DNAH5: variants seen among roughly 807,000 people sequenced by gnomAD.
DNAH5 encodes the protein axonemal beta dynein heavy chain 5.
DNAH5 carries 372 observed loss-of-function variants against 518.2 expected under a neutral mutation model. The ratio of observed to expected loss-of-function variants is 0.72; its 90% CI spans 0.66 to 0.78. The LOEUF is 0.78. Ranked by LOEUF, DNAH5 falls within the 30% of genes least tolerant of loss-of-function variation. The pLI is 0.00. For missense variants in DNAH5, 5,523 were observed against 5,687.0 expected, an observed-to-expected ratio of 0.97 and a Z score of 0.93; for synonymous variants, 2,039 against 2,025.9, an observed-to-expected ratio of 1.01 and a Z score of -0.17.
intron 16 of DNAH5, 57 bp downstream of exon 16, chr5:13,894,592 AG>A: frequency 6.5e-7 from 1 of 1,549,182 alleles, no homozygotes; most frequent in South Asian, 1.1e-5. Context: ...ATTATTCAAC[AG>A]ATGTTAGGAA....
chr5:14,011,434 G>C (rs1369247096), intron 1 of DNAH5, among the ~76,000 whole-genome samples: 5 of 152,150 alleles, frequency 3.3e-5, no homozygotes, highest in African/African-American at 1.2e-4. Context: ...GGAAAAAAAC[G>C]TGCGAAATTC....
chr5:13,891,734 A>G (rs1012307043), intron 16 of DNAH5, among the ~76,000 whole-genome samples: 1 of 146,098 alleles, frequency 6.8e-6, no homozygotes, highest in Middle Eastern at 3.7e-3. Flanking sequence ...GTATTCAACA[A>G]ATTTGACTAA....
rs566904730 is a variant in DNAH5 at position 13,832,062 on chromosome 5, A to T, written c.5883-1287T>A. Among the ~76,000 whole-genome samples the T allele has an allele frequency of 3.9e-5, 6 of 152,344 alleles. No individual in the cohort carries two copies. The South Asian group carries it at 1.0e-3, about 26-fold the overall frequency. ...GGGCACTAGGCTTGATACCTGGGCA[A>T]TGAAATAATCTATATAACAAACCTC... On this transcript the variant is annotated intron_variant, in intron 35 of 78. Coordinates refer to ENST00000265104, the MANE Select transcript of DNAH5 (RefSeq NM_001369.3).
Position 13,758,715 on chromosome 5 carries a change from A to G in DNAH5, c.10419+131T>C, listed in dbSNP as rs1026224059. ...TGACCATCCTGTTGTCTCATCAAAG[A>G]CCCTTGGTGTCCATTATGTGCTATG... is the stretch of plus-strand genomic sequence containing the variant. On this transcript the variant is annotated intron_variant, in intron 61 of 78. Transcript: ENST00000265104. 8 of 1,315,686 alleles carry G rather than the reference A, an allele frequency of 6.1e-6. No individual in the cohort carries two copies. In the East Asian group the frequency reaches 1.9e-4, roughly 31 times the overall value. 81.5% of individuals were successfully genotyped at this position (1,315,686 alleles called of 1,614,324 possible). A position where few individuals can be genotyped will look rare whatever the true frequency, so the allele number is the denominator to read the frequency against.
chr5:13,852,033 CT>C (rs1766939642), intron 30 of DNAH5, among the ~76,000 whole-genome samples: 1 of 152,122 alleles, frequency 6.6e-6, no homozygotes, highest in South Asian at 2.1e-4. Flanking sequence ...AGGGACACTG[CT>C]ATCTGGCCCA....
At position 13,810,116 on chromosome 5, in the gene DNAH5, GCTCCAGCGT is replaced by G; in HGVS notation, c.7543_7551del (p.Thr2515_Glu2517del). ...TCCCCGGGCCCCGCTGGCGGCGGCA[GCTCCAGCGT>G]CCCTGTGGGCCGAGAGCGCAGCCAG... On this transcript the variant is annotated inframe_deletion, in exon 45 of 79. Coordinates refer to ENST00000265104, the MANE Select transcript of DNAH5 (RefSeq NM_001369.3). The G allele has an allele frequency of 6.4e-7, 1 of 1,550,694 alleles. No homozygotes were observed. Among genetic ancestry groups the G allele is most frequent in the Non-Finnish European group, 8.7e-7 (1 of 1,147,408 alleles).
intron 6 of DNAH5, 39 bp from the exon 7 acceptor site, chr5:13,919,391 G>T: frequency 6.2e-7 from 1 of 1,607,600 alleles, no homozygotes. Flanking sequence ...CATTGCACGG[G>T]GCTGGAGACG....
intron 38 of DNAH5, 128 bp downstream of exon 38, chr5:13,829,382 C>A: frequency 7.2e-6 from 6 of 834,892 alleles, no homozygotes; most frequent in Admixed American, 2.4e-5. Context: ...TAGTAATACA[C>A]CTTTCTACTC....
chr5:13,933,032 C>G (rs1371050384), intron 1 of DNAH5, among the ~76,000 whole-genome samples: 1 of 152,174 alleles, frequency 6.6e-6, no homozygotes, highest in Non-Finnish European at 1.5e-5. Context: ...TGGTCTCTAA[C>G]TTCTAGGTCC....
At chr5:13,843,438 G>T (rs1057478998) in intron 32 of DNAH5, among the ~76,000 whole-genome samples, 1 of 152,120 alleles carries the variant, frequency 6.6e-6, no homozygotes, top group Non-Finnish European at 1.5e-5. Flanking sequence ...GCTCCCTGTT[G>T]TGGGTTGAAT....
At chr5:13,774,000 G>C (rs1197532542) in intron 55 of DNAH5, among the ~76,000 whole-genome samples, 2 of 152,092 alleles carry the variant, frequency 1.3e-5, no homozygotes, top group Non-Finnish European at 2.9e-5. Flanking sequence ...TGGGGAGGTA[G>C]GTAGGATCAG....
chr5:13,821,856 G>A (rs116114809), intron 40 of DNAH5, among the ~76,000 whole-genome samples: 3,326 of 152,120 alleles, frequency 0.022, 66 homozygotes, highest in East Asian at 0.031. Flanking sequence ...GTGCAGTGGC[G>A]TGATCACAGC....
intron 38 of DNAH5, among the ~76,000 whole-genome samples, chr5:13,825,386 G>A (rs915343776): frequency 1.3e-4 from 18 of 140,466 alleles, no homozygotes; most frequent in Admixed American, 1.2e-3. Flanking sequence ...ATAAAAGCAT[G>A]GTCTCAAAGA....
At chr5:13,975,309 C>T (rs1479506402) in intron 1 of DNAH5, among the ~76,000 whole-genome samples, 1 of 152,132 alleles carries the variant, frequency 6.6e-6, no homozygotes, top group African/African-American at 2.4e-5. Flanking sequence ...GGGAAACCAT[C>T]CCCATGATTC....
chr5:13,770,099 TGACCATAGA>T (rs1372111203), intron 56 of DNAH5, among the ~76,000 whole-genome samples: 2 of 152,202 alleles, frequency 1.3e-5, no homozygotes, highest in African/African-American at 4.8e-5. Flanking sequence ...TGAAATAACG[TGACCATAGA>T]GATGGGAACC....
At position 13,783,415 on chromosome 5, in the gene DNAH5, T is replaced by C. The variant is rs544976930; in HGVS notation, c.8821-2456A>G. 2.0e-5 allele frequency among the ~76,000 whole-genome samples: 3 copies of C among 152,290 alleles called. No homozygotes were observed. In the South Asian group the frequency reaches 6.2e-4, roughly 32 times the overall value. On this transcript the variant is annotated intron_variant, in intron 52 of 78. Transcript: ENST00000265104. Reference sequence around the variant, plus strand: ...TCACTAAGACGGGAACCCACCCTCCTAGAGCCTAGTCTTCTGATAGGGAGA... The same window carrying C: ...TCACTAAGACGGGAACCCACCCTCCCAGAGCCTAGTCTTCTGATAGGGAGA...
At position 13,901,368 on chromosome 5, in the gene DNAH5, G is replaced by A. The variant is rs1774596126; in HGVS notation, c.1936C>T (p.Gln646Ter). ...RIQQPMQLFQ[Q>*]HPAVLSTAEA... is the part of the protein sequence containing the mutation. The stretch of plus-strand genomic sequence containing the variant: ...GCCGTGCTTAGCACAGCTGGGTGCT[G>A]CTGGAAAAGCTGCATGGGCTGCTGA... Residue 646 changes from glutamine (Q) to a stop codon, truncating the protein, a stop_gained, in exon 14 of 79, where the codon CAG (glutamine) becomes TAG (stop). Coordinates refer to ENST00000265104, the MANE Select transcript of DNAH5 (RefSeq NM_001369.3). LOFTEE classifies it high-confidence loss of function. 6.2e-7 allele frequency: 1 copy of A among 1,614,038 alleles called. No individual in the cohort carries two copies.
chr5:13,763,817 T>C (rs1421298574), intron 59 of DNAH5, among the ~76,000 whole-genome samples: 3 of 152,128 alleles, frequency 2.0e-5, no homozygotes, highest in South Asian at 4.1e-4. Context: ...GTGGTGACAA[T>C]GACAAATGCA....
chr5:13,723,036 CCTCTCTATTAGTT>C (rs1561114544), intron 70 of DNAH5, among the ~76,000 whole-genome samples: 1 of 152,192 alleles, frequency 6.6e-6, no homozygotes, highest in Non-Finnish European at 1.5e-5. Context: ...TTCTGACCTT[CCTCTCTATTAGTT>C]CAGTGCCTGG....
Sources: gnomAD v4.1 joint callset for allele counts (sites outside exome capture counted in the v4.1 genomes callset) on GRCh38, gnomAD v4.1.1 for gene constraint, MANE v1.5 for transcripts, NCBI Gene and HGNC (gene_info 2026-07-23, HGNC 2026-07-21) for gene names.